The following UBE3A variants were observed in gnomAD, a reference collection of about 807,000 sequenced individuals.
UBE3A encodes the protein ubiquitin-protein ligase E3A.
Under a neutral mutation model 83.4 loss-of-function variants are expected in UBE3A, and 6 were observed. That is an observed-to-expected ratio of 0.07 (90% CI 0.04 to 0.14). The LOEUF (loss-of-function observed/expected upper bound fraction) is 0.14, where lower values mean the gene tolerates loss of function less well. UBE3A is among the 10% of genes least tolerant of loss of function. The pLI, the probability that UBE3A is intolerant of heterozygous loss-of-function variation, is 1.00. For synonymous variants in UBE3A, 337 were observed against 355.4 expected (o/e 0.95, Z 0.58); for missense variants, 456 against 1,036.1 (o/e 0.44, Z 7.69).
chr15:25,354,975 T>TA (rs1248916143), intron 9 of UBE3A, among the ~76,000 whole-genome samples: 10 of 152,162 alleles, frequency 6.6e-5, no homozygotes, highest in Admixed American at 6.5e-4. Flanking sequence ...TTACAGCCAA[T>TA]ATTAAGCTAT....
intron 3 of UBE3A, 61 bp downstream of exon 3, chr15:25,409,027 C>T: frequency 6.6e-7 from 1 of 1,507,564 alleles, no homozygotes; most frequent in Non-Finnish European, 9.0e-7. Context: ...TTCATTTTTA[C>T]AGTATGTATT....
intron 1 of UBE3A, among the ~76,000 whole-genome samples, chr15:25,412,770 A>G (rs957841035): frequency 2.6e-5 from 4 of 151,402 alleles, no homozygotes; most frequent in African/African-American, 9.8e-5. Flanking sequence ...GAAAGTGAAT[A>G]CACTGCATAT....
intron 11 of UBE3A, among the ~76,000 whole-genome samples, chr15:25,350,363 C>T (rs1313573208): frequency 6.6e-6 from 1 of 150,876 alleles, no homozygotes; most frequent in Non-Finnish European, 1.5e-5. Context: ...CCAACACACA[C>T]ATACATCAAA....
chr15:25,355,724 C>T lies in UBE3A; in HGVS notation c.2124+168G>A, dbSNP rs551929001. On this transcript the variant is annotated intron_variant, in intron 9 of 12. Coordinates refer to ENST00000648336, the MANE Select transcript of UBE3A (RefSeq NM_130839.5). ...TAGTGCCCAACTGTGTGCTTTCATA[C>T]CAACTTATATCCAAGATTTAGAAAA... is the stretch of plus-strand genomic sequence containing the variant. 3.9e-5 allele frequency among the ~76,000 whole-genome samples: 6 copies of T among 152,214 alleles called. No homozygotes were observed. In the South Asian group the frequency reaches 8.3e-4, roughly 21 times the overall value.
At position 25,376,848 on chromosome 15, in the gene UBE3A, C is replaced by A. The variant is rs111375105; in HGVS notation, c.63-1085G>T. On this transcript the variant is annotated intron_variant, in intron 4 of 12. Transcript: ENST00000648336. ...GATTAATGTCCTATTATGGCTGTTTCAGGAGAGCTACCAAAACTGAGGGAG... is the reference window on the plus strand; with the variant it reads ...GATTAATGTCCTATTATGGCTGTTTAAGGAGAGCTACCAAAACTGAGGGAG... 2.0e-3 allele frequency among the ~76,000 whole-genome samples: 308 copies of A among 152,192 alleles called. 2 individuals are homozygous for A. Among genetic ancestry groups the A allele is most frequent in the African/African-American group, 7.1e-3 (295 of 41,522 alleles).
chr15:25,408,980 C>A, intron 3 of UBE3A, 108 bp downstream of exon 3: 4 of 1,187,384 alleles, frequency 3.4e-6, no homozygotes, highest in South Asian at 1.5e-5. Context: ...CTCAGGCCCA[C>A]TATTCTTAGC....
intron 4 of UBE3A, among the ~76,000 whole-genome samples, chr15:25,402,422 G>A (rs1271014426): frequency 6.6e-6 from 1 of 152,226 alleles, no homozygotes. Flanking sequence ...GGCTGGCCAA[G>A]TACTGGGTTT....
intron 11 of UBE3A, among the ~76,000 whole-genome samples, chr15:25,348,037 T>G (rs2075974683): frequency 6.6e-6 from 1 of 151,706 alleles, no homozygotes; most frequent in South Asian, 2.1e-4. Flanking sequence ...ATGCAAACAT[T>G]AATTTAAAAA....
chr15:25,435,231 T>TACAC (rs56786510), intron 1 of UBE3A, among the ~76,000 whole-genome samples: 42 of 143,730 alleles, frequency 2.9e-4, no homozygotes, highest in African/African-American at 5.4e-4. Context: ...GATAGGGTTT[T>TACAC]ACACACACAC....
In UBE3A at chr15:25,370,823, G is replaced by A; in HGVS notation, c.1351C>T (p.Leu451=). The change falls in exon 6 of 13, where the codon CTG becomes TTG. Residue 451 remains leucine (L), a synonymous_variant. Coordinates refer to ENST00000648336, the MANE Select transcript of UBE3A (RefSeq NM_130839.5). This position sits in a 1 kb window ranked among gnomAD's most constrained non-coding sequence, Gnocchi z 4.2. ...TTATCCATTTCTAGAACCTCATTCAGTGGTTCATTAATAAACTCTTCAAAA... is the reference window on the plus strand; with the variant it reads ...TTATCCATTTCTAGAACCTCATTCAATGGTTCATTAATAAACTCTTCAAAA... ...IPFEEFINEP[L]NEVLEMDKDY... is the part of the protein sequence containing the mutation. 1 of 1,614,036 alleles carries A rather than the reference G, an allele frequency of 6.2e-7. No homozygotes were observed. Among genetic ancestry groups the A allele is most frequent in the Non-Finnish European group, 8.5e-7 (1 of 1,179,978 alleles).
chr15:25,412,076 T>C lies in UBE3A; in HGVS notation c.-164-105A>G, dbSNP rs868283101. On this transcript the variant is annotated intron_variant, in intron 1 of 12. Transcript: ENST00000648336. ...ATCATAAAGGCAAATTTATTTTCTA[T>C]AATTATGAACATCCAAAAACGTATC... 7.2e-5 allele frequency: 11 copies of C among 152,300 alleles called. 1 individual carries two copies. The South Asian group carries it at 2.3e-3, about 32-fold the overall frequency. 9.4% of individuals were successfully genotyped at this position (152,300 alleles called of 1,614,324 possible).
At chr15:25,396,449 C>T (rs1420885931) in intron 4 of UBE3A, among the ~76,000 whole-genome samples, 1 of 151,838 alleles carries the variant, frequency 6.6e-6, no homozygotes, top group Non-Finnish European at 1.5e-5. Context: ...CTACAAAAAA[C>T]AAACAAACAA....
At chr15:25,396,556 A>T (rs902691784) in intron 4 of UBE3A, among the ~76,000 whole-genome samples, 12 of 152,192 alleles carry the variant, frequency 7.9e-5, no homozygotes, top group Non-Finnish European at 1.6e-4. Flanking sequence ...CCAGGAATTC[A>T]AAGTTGTAGT....
In UBE3A at chr15:25,354,406, T is replaced by C; in HGVS notation, c.2301A>G (p.Leu767=). ...CGSRNLDFQA[L]EETTEYDGGY... ...CACCGTCATATTCTGTAGTTTCTTC[T>C]AGTGCTTGGAAATCTAGATTCTGCA... The change falls in exon 11 of 13, where the codon CTA becomes CTG. Residue 767 remains leucine (L), a synonymous_variant. Transcript: ENST00000648336. 1 of 1,613,990 alleles carries C rather than the reference T, an allele frequency of 6.2e-7. No homozygotes were observed. Among genetic ancestry groups the C allele is most frequent in the Non-Finnish European group, 8.5e-7 (1 of 1,179,928 alleles).
chr15:25,402,195 A>G (rs894088464), intron 4 of UBE3A, among the ~76,000 whole-genome samples: 8 of 152,112 alleles, frequency 5.3e-5, no homozygotes, highest in Admixed American at 6.6e-5. Flanking sequence ...TTATTGGGTA[A>G]AGCCCTTCAC....
chr15:25,422,238 T>A (rs553300296), intron 1 of UBE3A, among the ~76,000 whole-genome samples: 1 of 152,104 alleles, frequency 6.6e-6, no homozygotes, highest in Non-Finnish European at 1.5e-5. Context: ...GGAAAACTAA[T>A]AAACAGATCA....
chr15:25,394,151 A>G (rs1054985524), intron 4 of UBE3A, among the ~76,000 whole-genome samples: 4 of 152,174 alleles, frequency 2.6e-5, no homozygotes, highest in Non-Finnish European at 5.9e-5. Context: ...CTATTCTATT[A>G]TATATAATAA....
Position 25,338,650 on chromosome 15 carries a change from T to G in UBE3A, c.*487A>C, listed in dbSNP as rs2074207728. 6.6e-6 allele frequency: 1 copy of G among 152,086 alleles called. No homozygotes were observed. Among genetic ancestry groups the G allele is most frequent in the Non-Finnish European group, 1.5e-5 (1 of 68,004 alleles). 9.4% of individuals were successfully genotyped at this position (152,086 alleles called of 1,614,324 possible). On this transcript the variant is annotated 3_prime_UTR_variant, in exon 13 of 13. Coordinates refer to ENST00000648336, the MANE Select transcript of UBE3A (RefSeq NM_130839.5). ...CATTAAAAAAAATACAGTTCCTGAT[T>G]TGAGTTAGATACAGGGACAAAAAAG...
At chr15:25,432,346 T>A (rs1345900540) in intron 1 of UBE3A, among the ~76,000 whole-genome samples, 1 of 152,208 alleles carries the variant, frequency 6.6e-6, no homozygotes, top group East Asian at 1.9e-4. Context: ...TTGGCTACAG[T>A]ACACAAAGGC....
Sources: gnomAD v4.1 joint callset for allele counts (sites outside exome capture counted in the v4.1 genomes callset) on GRCh38, gnomAD v4.1.1 for gene constraint, Gnocchi (gnomAD v3.1) non-coding constraint, MANE v1.5 for transcripts, NCBI Gene and HGNC (gene_info 2026-07-23, HGNC 2026-07-21) for gene names.